The following TRPM3 variants were observed in gnomAD, a reference collection of about 807,000 sequenced individuals.
The protein encoded by TRPM3 is transient receptor potential cation channel subfamily M member 3.
TRPM3 carries 77 observed loss-of-function variants against 181.2 expected under a neutral mutation model. The observed-to-expected ratio is 0.42, with a 90% CI of 0.35 to 0.51. The LOEUF is 0.51. TRPM3 is among the 20% of genes least tolerant of loss of function. TRPM3 has a pLI of 0.01. For synonymous variants in TRPM3, 745 were observed against 796.4 expected (o/e 0.94, Z 1.09); for missense variants, 1,759 against 2,196.7 (o/e 0.80, Z 3.98).
intron 1 of TRPM3, among the ~76,000 whole-genome samples, chr9:71,103,768 G>A (rs757237083): frequency 5.4e-4 from 82 of 152,112 alleles, no homozygotes; most frequent in Middle Eastern, 3.2e-3. Flanking sequence ...GGCATCTCAC[G>A]CATAGCACGT....
At chr9:71,165,347 G>A (rs1297279513) in intron 1 of TRPM3, among the ~76,000 whole-genome samples, 1 of 152,082 alleles carries the variant, frequency 6.6e-6, no homozygotes, top group Admixed American at 6.6e-5. Context: ...CTGCTGTTTT[G>A]TTATGGGTTT....
intron 6 of TRPM3, among the ~76,000 whole-genome samples, chr9:70,794,257 A>T (rs551399000): frequency 1.2e-4 from 18 of 152,272 alleles, no homozygotes; most frequent in Middle Eastern, 6.8e-3. Flanking sequence ...TCTCACGTAA[A>T]GAGAAAAGGA....
At chr9:70,632,093 T>C (rs13300719) in intron 12 of TRPM3, among the ~76,000 whole-genome samples, 718 of 152,332 alleles carry the variant, frequency 4.7e-3, no homozygotes, top group Non-Finnish European at 7.1e-3. Context: ...CCCATAATTG[T>C]AAAGAAGAAA....
At chr9:70,977,234 A>C (rs537371377) in intron 1 of TRPM3, among the ~76,000 whole-genome samples, 1 of 152,310 alleles carries the variant, frequency 6.6e-6, no homozygotes, top group East Asian at 1.9e-4. Context: ...TCGCGGGTTC[A>C]AGTGATTCTC....
At chr9:71,427,899 C>CAA (rs2131590347) in intron 1 of TRPM3, among the ~76,000 whole-genome samples, 1 of 152,052 alleles carries the variant, frequency 6.6e-6, no homozygotes, top group South Asian at 2.1e-4. Context: ...CACACGTACC[C>CAA]CCTGGATCTG....
At chr9:71,212,023 G>A (rs10868981) in intron 1 of TRPM3, among the ~76,000 whole-genome samples, 65,154 of 152,022 alleles carry the variant, frequency 0.43, 14,384 homozygotes, top group East Asian at 0.52. Context: ...GGGGTAGGGT[G>A]GAGAGCTTAG....
At chr9:70,936,230 C>T (rs1190875419) in intron 1 of TRPM3, among the ~76,000 whole-genome samples, 1 of 152,182 alleles carries the variant, frequency 6.6e-6, no homozygotes, top group Non-Finnish European at 1.5e-5. Context: ...ACTAAATCTA[C>T]CAGTCTTAAA....
intron 1 of TRPM3, among the ~76,000 whole-genome samples, chr9:71,087,852 A>G (rs2065541954): frequency 6.6e-6 from 1 of 152,140 alleles, no homozygotes; most frequent in African/African-American, 2.4e-5. Context: ...TTTGAAAATT[A>G]TAATCTGCAT....
intron 9 of TRPM3, 128 bp downstream of exon 9, chr9:70,681,378 C>T (rs926353373): frequency 5.4e-6 from 4 of 742,258 alleles, no homozygotes; most frequent in Non-Finnish European, 9.0e-6. Flanking sequence ...CAGGAGAGAC[C>T]CCTATGTTAT....
chr9:70,545,251 C>G (rs1278549564), intron 25 of TRPM3, among the ~76,000 whole-genome samples: 1 of 152,108 alleles, frequency 6.6e-6, no homozygotes, highest in Non-Finnish European at 1.5e-5. Context: ...ATGTACTAGT[C>G]AAGTACATAG....
chr9:71,017,157 G>A (rs1297965015), intron 1 of TRPM3, among the ~76,000 whole-genome samples: 8 of 152,032 alleles, frequency 5.3e-5, no homozygotes, highest in South Asian at 2.1e-4. Context: ...TTTCCAAAAT[G>A]TTCCCAAGAA....
chr9:71,316,228 A>G (rs2088577721), intron 1 of TRPM3, among the ~76,000 whole-genome samples: 2 of 152,158 alleles, frequency 1.3e-5, no homozygotes, highest in Non-Finnish European at 2.9e-5. Flanking sequence ...TTTTCTGTTG[A>G]TAATTTTGTT....
At chr9:70,760,307 A>T (rs2077875275) in intron 8 of TRPM3, among the ~76,000 whole-genome samples, 1 of 151,270 alleles carries the variant, frequency 6.6e-6, no homozygotes, top group Non-Finnish European at 1.5e-5. Context: ...AAGCATCAGT[A>T]CTCAGAAGAT....
intron 1 of TRPM3, among the ~76,000 whole-genome samples, chr9:70,965,720 C>T (rs1395051348): frequency 1.3e-5 from 2 of 151,916 alleles, no homozygotes; most frequent in African/African-American, 4.8e-5. Context: ...GTTCAATATC[C>T]TATGAGGCCA....
Position 70,535,176 on chromosome 9 carries a change from A to G in TRPM3, c.*777T>C. 1 of 427,352 alleles carries G rather than the reference A, an allele frequency of 2.3e-6. No homozygotes were observed. Among genetic ancestry groups the G allele is most frequent in the East Asian group, 3.6e-5 (1 of 28,148 alleles). 26.5% of individuals were successfully genotyped at this position (427,352 alleles called of 1,614,324 possible). A position where few individuals can be genotyped will look rare whatever the true frequency, so the allele number is the denominator to read the frequency against. On this transcript the variant is annotated 3_prime_UTR_variant, in exon 26 of 26. Coordinates refer to ENST00000677713, the MANE Select transcript of TRPM3 (RefSeq NM_001366145.2). Reference sequence around the variant, plus strand: ...CTTGCTCGACTAGACTTGAACGCCCACTGTATATAATAAATCACTTGACTT... The same window carrying G: ...CTTGCTCGACTAGACTTGAACGCCCGCTGTATATAATAAATCACTTGACTT...
Position 71,239,230 on chromosome 9 carries a change from T to C in TRPM3, c.183+207423A>G, listed in dbSNP as rs994142639. On this transcript the variant is annotated intron_variant, in intron 1 of 24. Transcript: ENST00000357533. ...CAAAATAGAAGAACAAGTTTACTAG[T>C]ACAATTTTTGCTGTGTTTTGAAAAG... Among the ~76,000 whole-genome samples the C allele has an allele frequency of 6.6e-5, 10 of 152,324 alleles. No individual in the cohort carries two copies. The East Asian group carries it at 9.6e-4, about 15-fold the overall frequency.
At chr9:70,975,162 C>T (rs759456780) in intron 1 of TRPM3, among the ~76,000 whole-genome samples, 2 of 152,042 alleles carry the variant, frequency 1.3e-5, no homozygotes, top group Non-Finnish European at 2.9e-5. Context: ...GCCACCGCAC[C>T]CCGCCTGGAA....
intron 9 of TRPM3, among the ~76,000 whole-genome samples, chr9:70,657,947 A>G (rs2060598320): frequency 6.6e-6 from 1 of 152,172 alleles, no homozygotes; most frequent in African/African-American, 2.4e-5. Context: ...TTCAGTTTCT[A>G]TAAATTAATC....
At chr9:71,206,487 C>T (rs1211505498) in intron 1 of TRPM3, among the ~76,000 whole-genome samples, 1 of 151,908 alleles carries the variant, frequency 6.6e-6, no homozygotes, top group Non-Finnish European at 1.5e-5. Flanking sequence ...GGATATTAGC[C>T]CTTTGTCAGA....
Sources: gnomAD v4.1 joint callset for allele counts (sites outside exome capture counted in the v4.1 genomes callset) on GRCh38, gnomAD v4.1.1 for gene constraint, MANE v1.5 for transcripts, NCBI Gene and HGNC (gene_info 2026-07-23, HGNC 2026-07-21) for gene names.